The following GABRB1 variants were observed in gnomAD, a reference collection of about 807,000 sequenced individuals.
The protein encoded by GABRB1 is gamma-aminobutyric acid type A receptor subunit beta1, also known as gamma-aminobutyric acid receptor subunit beta-1.
GABRB1 carries 17 observed loss-of-function variants against 51.6 expected under a neutral mutation model. The ratio of observed to expected loss-of-function variants is 0.33; its 90% CI spans 0.23 to 0.49. GABRB1 has a LOEUF of 0.49. Ranked by LOEUF, GABRB1 falls within the 20% of genes least tolerant of loss-of-function variation. GABRB1 has a pLI of 0.99. For synonymous variants in GABRB1, 247 were observed against 218.9 expected, an observed-to-expected ratio of 1.13 and a Z score of -1.14; for missense variants, 410 against 600.6, an observed-to-expected ratio of 0.68 and a Z score of 3.32.
chr4:47,168,841 G>A (rs1718317900), intron 4 of GABRB1, among the ~76,000 whole-genome samples: 1 of 152,100 alleles, frequency 6.6e-6, no homozygotes, highest in African/African-American at 2.4e-5. Context: ...GGCAGAATTG[G>A]TTCATTTTGA....
At chr4:47,075,881 T>A (rs563232445) in intron 3 of GABRB1, among the ~76,000 whole-genome samples, 2 of 152,272 alleles carry the variant, frequency 1.3e-5, no homozygotes, top group Middle Eastern at 3.4e-3. Context: ...CATGAAAGCC[T>A]GGCTACCTAG....
chr4:47,143,995 A>C (rs1372868247), intron 3 of GABRB1, among the ~76,000 whole-genome samples: 2 of 151,950 alleles, frequency 1.3e-5, no homozygotes, highest in Admixed American at 6.6e-5. Flanking sequence ...TATATGTATA[A>C]ATACTTTTCA....
At chr4:47,043,905 G>A (rs1398215348) in intron 3 of GABRB1, among the ~76,000 whole-genome samples, 1 of 152,120 alleles carries the variant, frequency 6.6e-6, no homozygotes, top group African/African-American at 2.4e-5. Flanking sequence ...ATATCAGAAT[G>A]TGAATGAATG....
At chr4:47,294,390 G>T (rs1267722055) in intron 4 of GABRB1, among the ~76,000 whole-genome samples, 1 of 152,216 alleles carries the variant, frequency 6.6e-6, no homozygotes, top group Non-Finnish European at 1.5e-5. Flanking sequence ...GGAAAATCGG[G>T]TCACTCCCAC....
chr4:47,299,984 G>A (rs913023434), intron 4 of GABRB1, among the ~76,000 whole-genome samples: 4 of 150,990 alleles, frequency 2.6e-5, no homozygotes, highest in African/African-American at 7.3e-5. Context: ...GTAAACTATC[G>A]CAAGGACAAA....
chr4:47,422,365 A>C (rs1185164902), intron 8 of GABRB1, among the ~76,000 whole-genome samples: 1 of 151,990 alleles, frequency 6.6e-6, no homozygotes, highest in African/African-American at 2.4e-5. Context: ...TCTTCCTTTG[A>C]CCTGCAAACT....
At position 47,161,476 on chromosome 4, in the gene GABRB1, G is replaced by A. The variant is rs1164764984; in HGVS notation, c.461+7G>A. On this transcript the variant is annotated splice_region_variant and intron_variant, in intron 4 of 8. Transcript: ENST00000295454. Reference sequence around the variant, plus strand: ...CAGTTCTCTATGGACTCCGGTAAATGGCTTTATGTTGCATGTTTTAATGTT... The same window carrying A: ...CAGTTCTCTATGGACTCCGGTAAATAGCTTTATGTTGCATGTTTTAATGTT... The A allele has an allele frequency of 1.2e-6, 2 of 1,604,500 alleles. No individual in the cohort carries two copies. Among genetic ancestry groups the A allele is most frequent in the African/African-American group, 2.7e-5 (2 of 74,588 alleles).
intron 1 of GABRB1, among the ~76,000 whole-genome samples, chr4:47,009,936 T>C (rs1312065100): frequency 6.6e-6 from 1 of 152,246 alleles, no homozygotes; most frequent in Non-Finnish European, 1.5e-5. Flanking sequence ...GTGTATACTT[T>C]GAAAGCTTCC....
At chr4:47,172,234 A>G (rs920311744) in intron 4 of GABRB1, among the ~76,000 whole-genome samples, 1 of 152,142 alleles carries the variant, frequency 6.6e-6, no homozygotes, top group Non-Finnish European at 1.5e-5. Flanking sequence ...AATACAATAA[A>G]CATATTTTTA....
At chr4:47,037,535 T>G (rs55840260) in intron 3 of GABRB1, among the ~76,000 whole-genome samples, 3,656 of 134,880 alleles carry the variant, frequency 0.027, 136 homozygotes, top group African/African-American at 0.093. Flanking sequence ...TTCGTTTTTT[T>G]TTGTTGTTGT....
At chr4:47,320,767 T>TC in intron 5 of GABRB1, among the ~76,000 whole-genome samples, 1 of 95,356 alleles carries the variant, frequency 1.0e-5, no homozygotes, top group East Asian at 2.5e-4. Flanking sequence ...TCTTTTCTTT[T>TC]TTCTTTTTTT....
At chr4:47,416,161 G>T (rs1012747992) in intron 8 of GABRB1, among the ~76,000 whole-genome samples, 2 of 152,168 alleles carry the variant, frequency 1.3e-5, no homozygotes, top group African/African-American at 4.8e-5. Context: ...TGAGAAGCTA[G>T]CCAGGTAACA....
chr4:47,129,547 G>T (rs745789629), intron 3 of GABRB1, among the ~76,000 whole-genome samples: 12 of 152,150 alleles, frequency 7.9e-5, no homozygotes, highest in Non-Finnish European at 1.5e-4. Context: ...CACAGTTCCT[G>T]CCTTCAAAGC....
chr4:47,076,835 C>A (rs1303395165), intron 3 of GABRB1, among the ~76,000 whole-genome samples: 1 of 152,116 alleles, frequency 6.6e-6, no homozygotes, highest in East Asian at 1.9e-4. Context: ...GAGCACACTC[C>A]CATAATAAAT....
At chr4:47,026,481 T>C (rs1338389626) in intron 1 of GABRB1, among the ~76,000 whole-genome samples, 1 of 152,068 alleles carries the variant, frequency 6.6e-6, no homozygotes, top group Non-Finnish European at 1.5e-5. Flanking sequence ...CTATAAAATA[T>C]GTAAAAACAC....
chr4:47,292,297 C>T (rs957175649), intron 4 of GABRB1, among the ~76,000 whole-genome samples: 2 of 152,148 alleles, frequency 1.3e-5, no homozygotes, highest in African/African-American at 4.8e-5. Context: ...AACTGTAAGT[C>T]CAATAAACCT....
At chr4:47,008,877 T>TTTTTTTTTTTTTTTTTTTTTTTTTTTTTG (rs1724498830) in intron 1 of GABRB1, among the ~76,000 whole-genome samples, 1 of 116,138 alleles carries the variant, frequency 8.6e-6, no homozygotes. Context: ...TTTTTTTTTT[T>TTTTTTTTTTTTTTTTTTTTTTTTTTTTTG]TTTTTGAGAC....
At chr4:47,191,623 C>CA (rs1305768727) in intron 4 of GABRB1, among the ~76,000 whole-genome samples, 2 of 152,052 alleles carry the variant, frequency 1.3e-5, no homozygotes, top group Admixed American at 1.3e-4. Flanking sequence ...ACAGTGTTTT[C>CA]ACTCAGATGA....
At chr4:47,243,878 C>T (rs1721636002) in intron 4 of GABRB1, among the ~76,000 whole-genome samples, 1 of 152,070 alleles carries the variant, frequency 6.6e-6, no homozygotes, top group African/African-American at 2.4e-5. Flanking sequence ...CCTTTATTTC[C>T]TTCTCCTGCC....
Sources: allele counts gnomAD v4.1 joint callset (sites outside exome capture counted in the v4.1 genomes callset), GRCh38; gene constraint gnomAD v4.1.1; transcripts MANE v1.5; gene names NCBI Gene and HGNC (gene_info 2026-07-23, HGNC 2026-07-21).